The following ANO3 variants were observed in gnomAD, a reference collection of about 807,000 sequenced individuals.
The protein encoded by ANO3 is anoctamin-3.
A neutral mutation model predicts 144.8 loss-of-function variants in ANO3; 99 were observed. The observed-to-expected ratio is 0.68, with a 90% CI of 0.58 to 0.81. The LOEUF (loss-of-function observed/expected upper bound fraction) is 0.81, where lower values mean the gene tolerates loss of function less well. Ranked by LOEUF, ANO3 falls within the 30% of genes least tolerant of loss-of-function variation. The pLI is 0.00. For missense variants in ANO3, 905 were observed against 1,202.2 expected (o/e 0.75, Z 3.66); for synonymous variants, 414 against 392.6 (o/e 1.05, Z -0.64).
At chr11:26,570,485 T>C (rs1353228476) in intron 14 of ANO3, among the ~76,000 whole-genome samples, 1 of 152,148 alleles carries the variant, frequency 6.6e-6, no homozygotes, top group Non-Finnish European at 1.5e-5. Flanking sequence ...TCCTGGTTTA[T>C]GTCAGGTAAT....
chr11:26,559,706 G>C lies in ANO3; in HGVS notation c.1387-13G>C. 6.2e-7 allele frequency: 1 copy of C among 1,604,020 alleles called. No individual in the cohort carries two copies. Among genetic ancestry groups the C allele is most frequent in the Non-Finnish European group, 8.5e-7 (1 of 1,171,234 alleles). On this transcript the variant is annotated splice_polypyrimidine_tract_variant and intron_variant, in intron 13 of 26. Transcript: ENST00000256737. ...ATTTGCATGACTAATATTTCTGTTT[G>C]TTTTCTACTCAGGTGACATATTTGT...
At chr11:26,195,035 C>A (rs1851557344) in intron 1 of ANO3, among the ~76,000 whole-genome samples, 1 of 152,150 alleles carries the variant, frequency 6.6e-6, no homozygotes, top group African/African-American at 2.4e-5. Flanking sequence ...AGAAAAACTC[C>A]TTTTGACCTA....
chr11:26,531,452 C>A, intron 8 of ANO3, 116 bp downstream of exon 8: 2 of 1,211,202 alleles, frequency 1.7e-6, no homozygotes, highest in Non-Finnish European at 2.3e-6. Flanking sequence ...GAGAACTTAT[C>A]ATTGTATTAA....
chr11:26,302,465 A>C (rs1466333269), intron 1 of ANO3, among the ~76,000 whole-genome samples: 3 of 152,232 alleles, frequency 2.0e-5, no homozygotes, highest in Non-Finnish European at 4.4e-5. Flanking sequence ...ACTGCACTTC[A>C]GCCTGGCAAC....
chr11:26,533,523 G>T (rs1371619770), intron 8 of ANO3, among the ~76,000 whole-genome samples: 1 of 152,074 alleles, frequency 6.6e-6, no homozygotes, highest in African/African-American at 2.4e-5. Flanking sequence ...GAGAGCCTTG[G>T]AGGAAAATAA....
chr11:26,615,853 T>C (rs186509197), intron 17 of ANO3, among the ~76,000 whole-genome samples: 5 of 152,318 alleles, frequency 3.3e-5, no homozygotes, highest in Admixed American at 3.3e-4. Context: ...TTATATCACG[T>C]CTGCATTGAT....
chr11:26,516,403 G>A (rs1244382346), intron 5 of ANO3, among the ~76,000 whole-genome samples: 2 of 151,656 alleles, frequency 1.3e-5, no homozygotes, highest in Non-Finnish European at 2.9e-5. Context: ...TAGGTACTCA[G>A]TAAAATGTGG....
At chr11:26,394,419 C>T (rs575542776) in intron 1 of ANO3, among the ~76,000 whole-genome samples, 9 of 151,944 alleles carry the variant, frequency 5.9e-5, no homozygotes, top group African/African-American at 1.7e-4. Context: ...AACTCTAATG[C>T]GGCTAGGATG....
At chr11:26,588,309 T>C (rs12293497) in intron 14 of ANO3, among the ~76,000 whole-genome samples, 1,968 of 141,726 alleles carry the variant, frequency 0.014, 46 homozygotes, top group African/African-American at 0.048. Flanking sequence ...TCAATTAGTG[T>C]TTTGCATACT....
chr11:26,471,426 A>G (rs1281045967), intron 4 of ANO3, among the ~76,000 whole-genome samples: 2 of 152,012 alleles, frequency 1.3e-5, no homozygotes, highest in Non-Finnish European at 2.9e-5. Context: ...CAAATATAAT[A>G]TCACTAAACC....
At chr11:26,556,263 A>T (rs1850078915) in intron 13 of ANO3, among the ~76,000 whole-genome samples, 1 of 152,180 alleles carries the variant, frequency 6.6e-6, no homozygotes, top group Non-Finnish European at 1.5e-5. Flanking sequence ...ATAATTAGAT[A>T]GAGGTCCTAA....
chr11:26,483,697 T>G (rs555869298), intron 4 of ANO3, among the ~76,000 whole-genome samples: 1 of 152,172 alleles, frequency 6.6e-6, no homozygotes, highest in Non-Finnish European at 1.5e-5. Flanking sequence ...AATGCAAGAA[T>G]GAACTAATAC....
At chr11:26,376,433 C>A (rs1856409121) in intron 1 of ANO3, among the ~76,000 whole-genome samples, 1 of 152,088 alleles carries the variant, frequency 6.6e-6, no homozygotes, top group South Asian at 2.1e-4. Context: ...CATTCAAACA[C>A]CTCTTAATTT....
rs576571150 is a variant in ANO3, at chr11:26,268,714, A to G, written c.155-40931A>G. 1.2e-4 allele frequency among the ~76,000 whole-genome samples: 19 copies of G among 152,290 alleles called. No homozygotes were observed. The South Asian group carries it at 3.9e-3, about 32-fold the overall frequency. ...AAGAAGGTGCAACTCTCCTAGTTCT[A>G]GATCAGTGCGACCACAGCTGCTGAG... On this transcript the variant is annotated intron_variant, in intron 1 of 27. Transcript: ENST00000672621.
At chr11:26,336,739 A>T (rs1855204316) in intron 1 of ANO3, among the ~76,000 whole-genome samples, 1 of 126,262 alleles carries the variant, frequency 7.9e-6, no homozygotes. Context: ...TCTTAGAGAA[A>T]TAAGAAAAAA....
intron 1 of ANO3, among the ~76,000 whole-genome samples, chr11:26,203,393 G>T (rs1851735122): frequency 6.6e-6 from 1 of 152,130 alleles, no homozygotes; most frequent in African/African-American, 2.4e-5. Flanking sequence ...GCAACAGGAG[G>T]AAGGCATAAA....
At chr11:26,301,736 C>A (rs1338409087) in intron 1 of ANO3, among the ~76,000 whole-genome samples, 1 of 152,120 alleles carries the variant, frequency 6.6e-6, no homozygotes, top group African/African-American at 2.4e-5. Flanking sequence ...CCTTAAATGC[C>A]TTCTATGATA....
chr11:26,207,728 C>CAAT (rs555726762), intron 1 of ANO3, among the ~76,000 whole-genome samples: 1 of 151,790 alleles, frequency 6.6e-6, no homozygotes, highest in Non-Finnish European at 1.5e-5. Flanking sequence ...AACTAGATTA[C>CAAT]AGTAAAACTG....
chr11:26,617,352 T>G (rs564529723), intron 17 of ANO3, among the ~76,000 whole-genome samples: 11 of 152,352 alleles, frequency 7.2e-5, no homozygotes, highest in African/African-American at 2.6e-4. Flanking sequence ...GTATTATTTA[T>G]TCCAAAGCAC....
Sources: allele counts gnomAD v4.1 joint callset (sites outside exome capture counted in the v4.1 genomes callset), GRCh38; gene constraint gnomAD v4.1.1; transcripts MANE v1.5; gene names NCBI Gene and HGNC (gene_info 2026-07-23, HGNC 2026-07-21).